The following SOS1 variants were observed in gnomAD, a reference collection of about 807,000 sequenced individuals.
The protein encoded by SOS1 is son of sevenless homolog 1.
Under a neutral mutation model 157.6 loss-of-function variants are expected in SOS1, and 25 were observed. That is an observed-to-expected ratio of 0.16 (90% CI 0.12 to 0.22). The LOEUF (loss-of-function observed/expected upper bound fraction) is 0.22, where lower values mean the gene tolerates loss of function less well. Ranked by LOEUF, SOS1 falls within the 10% of genes least tolerant of loss-of-function variation. The pLI, the probability that SOS1 is intolerant of heterozygous loss-of-function variation, is 1.00. For missense variants in SOS1, 1,237 were observed against 1,599.1 expected, an observed-to-expected ratio of 0.77 and a Z score of 3.86; for synonymous variants, 528 against 534.0, an observed-to-expected ratio of 0.99 and a Z score of 0.16.
At chr2:39,004,702 A>G (rs1669228295) in intron 17 of SOS1, among the ~76,000 whole-genome samples, 1 of 152,174 alleles carries the variant, frequency 6.6e-6, no homozygotes, top group Admixed American at 6.5e-5. Context: ...AATACATGTC[A>G]ATGAATAAAA....
chr2:38,990,486 T>A (rs1260852517), intron 20 of SOS1, among the ~76,000 whole-genome samples: 1 of 152,108 alleles, frequency 6.6e-6, no homozygotes, highest in Non-Finnish European at 1.5e-5. Flanking sequence ...TAATTGAAGA[T>A]TGCCTGGTTG....
chr2:39,022,759 T>G lies in SOS1; in HGVS notation c.1669A>C (p.Thr557Pro), dbSNP rs1427526552. Reference protein sequence around the residue: ...RSTLERMLDVTMLQEEKEEQM... With the variant: ...RSTLERMLDVPMLQEEKEEQM... ...TCCTCTTTCTCTTCCTGTAGCATTG[T>G]TACATCAAGCATCCTTTCCAGTGTA... Residue 557 changes from threonine (T) to proline (P), a missense_variant, in exon 10 of 23, where the codon ACA (threonine) becomes CCA (proline). Around this residue, in one of 15 missense-constraint regions of SOS1, gnomAD observed 210 missense variants for 220.2 expected, o/e 0.95. Coordinates refer to ENST00000402219, the MANE Select transcript of SOS1 (RefSeq NM_005633.4). 1 of 1,613,674 alleles carries G rather than the reference T, an allele frequency of 6.2e-7. No individual in the cohort carries two copies. Among genetic ancestry groups the G allele is most frequent in the African/African-American group, 1.3e-5 (1 of 74,928 alleles).
chr2:39,027,041 A>G (rs369106499), intron 8 of SOS1, among the ~76,000 whole-genome samples: 128 of 152,342 alleles, frequency 8.4e-4, no homozygotes, highest in African/African-American at 3.0e-3. Flanking sequence ...CAAAGCCCAG[A>G]GAAATTCAAG....
At chr2:39,049,570 G>A (rs1670924196) in intron 6 of SOS1, among the ~76,000 whole-genome samples, 1 of 151,974 alleles carries the variant, frequency 6.6e-6, no homozygotes, top group Admixed American at 6.6e-5. Context: ...AATTCATGTT[G>A]TAATTGTTGA....
At chr2:39,010,536 A>G (rs1301961999) in intron 15 of SOS1, 48 bp downstream of exon 15, 2 of 1,563,044 alleles carry the variant, frequency 1.3e-6, no homozygotes, top group South Asian at 1.1e-5. Flanking sequence ...ATTGAAATTC[A>G]TAACATAGCT....
At chr2:39,002,552 CTG>C (rs1669137473) in intron 17 of SOS1, among the ~76,000 whole-genome samples, 1 of 152,132 alleles carries the variant, frequency 6.6e-6, no homozygotes, top group African/African-American at 2.4e-5. Flanking sequence ...AGCAGACTGA[CTG>C]TGTATTTTTC....
intron 20 of SOS1, among the ~76,000 whole-genome samples, chr2:38,990,170 GTTTT>G (rs57752950): frequency 1.5e-5 from 2 of 135,184 alleles, no homozygotes; most frequent in South Asian, 2.3e-4. Flanking sequence ...TTCAGATTTC[GTTTT>G]TTTTTTTTTG....
At chr2:39,111,971 C>G (rs1481679392) in intron 1 of SOS1, among the ~76,000 whole-genome samples, 1 of 152,074 alleles carries the variant, frequency 6.6e-6, no homozygotes, top group East Asian at 1.9e-4. Context: ...CTCAAGTGAT[C>G]TGCCCTCCTT....
In SOS1 at chr2:39,067,606, T is replaced by C. The variant is rs184945175; in HGVS notation, c.213+22A>G. 51 of 1,608,148 alleles carry C rather than the reference T, an allele frequency of 3.2e-5. No homozygotes were observed. The Admixed American group carries it at 5.0e-4, about 16-fold the overall frequency. The stretch of plus-strand genomic sequence containing the variant: ...ACACACAAATTAGATATAAAGTAAA[T>C]ACAAGACAACATTTGTCATACCTCT... On this transcript the variant is annotated intron_variant, in intron 2 of 22. Coordinates refer to ENST00000402219, the MANE Select transcript of SOS1 (RefSeq NM_005633.4).
intron 5 of SOS1, among the ~76,000 whole-genome samples, chr2:39,054,088 C>A (rs1049393699): frequency 1.3e-5 from 2 of 152,068 alleles, no homozygotes; most frequent in Non-Finnish European, 2.9e-5. Context: ...CCACCACGCC[C>A]GGCTAATTTT....
At chr2:39,060,213 ACT>A (rs1462125136) in intron 2 of SOS1, among the ~76,000 whole-genome samples, 2 of 152,212 alleles carry the variant, frequency 1.3e-5, no homozygotes, top group African/African-American at 2.4e-5. Flanking sequence ...CCCATGATTA[ACT>A]AAGTGCAACC....
intron 20 of SOS1, among the ~76,000 whole-genome samples, chr2:38,990,644 A>T (rs1668703969): frequency 6.6e-6 from 1 of 152,170 alleles, no homozygotes; most frequent in Non-Finnish European, 1.5e-5. Context: ...AGTACACTTA[A>T]TACAATACAG....
rs141880809 is a variant in SOS1, at chr2:39,041,061, A to C, written c.865-5561T>G. 2.8e-4 allele frequency among the ~76,000 whole-genome samples: 42 copies of C among 152,148 alleles called. No homozygotes were observed. In the East Asian group the frequency reaches 6.8e-3, roughly 24 times the overall value. On this transcript the variant is annotated intron_variant, in intron 6 of 22. Transcript: ENST00000402219. ...TAGTAGATGTGAAGTGGTACTGCATAATGTTTTTTCTTTTAGAGATGGAGT... is the reference window on the plus strand; with the variant it reads ...TAGTAGATGTGAAGTGGTACTGCATCATGTTTTTTCTTTTAGAGATGGAGT...
chr2:39,095,402 G>A (rs184715936), intron 1 of SOS1, among the ~76,000 whole-genome samples: 1 of 152,252 alleles, frequency 6.6e-6, no homozygotes, highest in Admixed American at 6.5e-5. Context: ...ATTAAGCTAG[G>A]GGAAAAGTCT....
upstream of SOS1, among the ~76,000 whole-genome samples, chr2:39,123,003 G>C (rs1230063340): frequency 7.9e-5 from 12 of 152,160 alleles, 1 homozygote; most frequent in Non-Finnish European, 1.8e-4. Context: ...ACAAAGGCGT[G>C]CATCTGGCTC....
intron 1 of SOS1, among the ~76,000 whole-genome samples, chr2:39,074,977 C>T (rs1032963914): frequency 1.6e-4 from 24 of 151,408 alleles, no homozygotes; most frequent in Admixed American, 1.2e-3. Context: ...GACTGGAAGG[C>T]GCAGGTTGTA....
intron 1 of SOS1, among the ~76,000 whole-genome samples, chr2:39,097,686 C>T (rs555796010): frequency 6.6e-6 from 1 of 152,230 alleles, no homozygotes; most frequent in African/African-American, 2.4e-5. Context: ...ATCCCAGCCT[C>T]CCCAGTAGCT....
chr2:39,109,107 G>A (rs944009795), intron 1 of SOS1, among the ~76,000 whole-genome samples: 3 of 152,176 alleles, frequency 2.0e-5, no homozygotes, highest in Non-Finnish European at 2.9e-5. Context: ...GCTAAGGTGG[G>A]AGGATTGCTG....
chr2:39,048,981 G>A (rs1423114803), intron 6 of SOS1, among the ~76,000 whole-genome samples: 4 of 151,994 alleles, frequency 2.6e-5, no homozygotes, highest in East Asian at 3.9e-4. Flanking sequence ...GCAGTGGTGC[G>A]ATCTCGGCTC....
Sources: gnomAD v4.1 joint callset for allele counts (sites outside exome capture counted in the v4.1 genomes callset) on GRCh38, gnomAD v4.1.1 for gene constraint, gnomAD v4.1.1 regional missense constraint, MANE v1.5 for transcripts, NCBI Gene and HGNC (gene_info 2026-07-23, HGNC 2026-07-21) for gene names.